The following PSPC1 variants were observed in gnomAD, a reference collection of about 807,000 sequenced individuals.
PSPC1 encodes the protein paraspeckle protein 1.
Under a neutral mutation model 51.6 loss-of-function variants are expected in PSPC1, and 14 were observed. That is an observed-to-expected ratio of 0.27 (90% confidence interval 0.18 to 0.42). The LOEUF is 0.42. Ranked by LOEUF, PSPC1 falls within the 10% of genes least tolerant of loss-of-function variation. The pLI is 1.00. For synonymous variants in PSPC1, 193 were observed against 231.9 expected (o/e 0.83, Z 1.53); for missense variants, 406 against 701.1 (o/e 0.58, Z 4.75).
chr13:19,778,497 T>C (rs1330350611), intron 1 of PSPC1, among the ~76,000 whole-genome samples: 1 of 141,784 alleles, frequency 7.1e-6, no homozygotes, highest in Non-Finnish European at 1.5e-5. Context: ...TTCTCCTGCC[T>C]CAGTCTGCCG....
downstream of PSPC1, among the ~76,000 whole-genome samples, chr13:19,698,433 C>A (rs549374592): frequency 6.6e-6 from 1 of 151,776 alleles, no homozygotes; most frequent in South Asian, 2.1e-4. Context: ...CAATGTAGGA[C>A]CTCGTATTTA....
chr13:19,677,092 G>A (rs1876729703), intron 7 of PSPC1, among the ~76,000 whole-genome samples: 1 of 152,034 alleles, frequency 6.6e-6, no homozygotes, highest in Non-Finnish European at 1.5e-5. Context: ...AATTAGCCGG[G>A]CATGGTGGCA....
At chr13:19,699,231 G>A (rs1276602997), downstream of PSPC1, 2 of 151,622 alleles carry the variant, frequency 1.3e-5, no homozygotes, top group Non-Finnish European at 3.0e-5. Context: ...TAGAGACGAG[G>A]TCTCACTACA....
chr13:19,707,671 T>A (rs888946284), intron 7 of PSPC1, among the ~76,000 whole-genome samples: 1 of 152,188 alleles, frequency 6.6e-6, no homozygotes, highest in East Asian at 1.9e-4. Context: ...TTTTAAGTTA[T>A]CTTCAATTCC....
chr13:19,774,687 C>G lies in PSPC1; in HGVS notation c.373-2144G>C, dbSNP rs539654766. Reference sequence around the variant, plus strand: ...GGGCATGGTGGTAAGCGCCTGTAGTCCCAGCTACTTGGGGGACTGAGGTGG... The same window carrying G: ...GGGCATGGTGGTAAGCGCCTGTAGTGCCAGCTACTTGGGGGACTGAGGTGG... On this transcript the variant is annotated intron_variant, in intron 1 of 8. Coordinates refer to ENST00000338910, the MANE Select transcript of PSPC1 (RefSeq NM_001354909.2). Among the ~76,000 whole-genome samples the G allele has an allele frequency of 2.0e-5, 3 of 151,884 alleles. No individual in the cohort carries two copies. In the South Asian group the frequency reaches 6.2e-4, roughly 32 times the overall value.
chr13:19,750,358 G>C (rs1886407278), intron 4 of PSPC1, among the ~76,000 whole-genome samples: 1 of 151,898 alleles, frequency 6.6e-6, no homozygotes, highest in African/African-American at 2.4e-5. Context: ...CTTGAACCCA[G>C]GTGGTGGAGG....
chr13:19,732,486 C>T (rs950099526), intron 5 of PSPC1, among the ~76,000 whole-genome samples: 2 of 152,186 alleles, frequency 1.3e-5, no homozygotes, highest in East Asian at 1.9e-4. Context: ...TCTGGGGCAG[C>T]ACCCCATAAT....
At chr13:19,760,900 A>C (rs149192399) in intron 2 of PSPC1, among the ~76,000 whole-genome samples, 1,643 of 152,148 alleles carry the variant, frequency 0.011, 28 homozygotes, top group African/African-American at 0.038. Context: ...AGGCAGGAGA[A>C]TCGCTTGAAT....
intron 4 of PSPC1, among the ~76,000 whole-genome samples, chr13:19,742,638 T>C (rs983603726): frequency 2.0e-5 from 3 of 151,950 alleles, no homozygotes; most frequent in African/African-American, 4.8e-5. Context: ...ACTCGGGAGA[T>C]TGAGACAGGA....
intron 7 of PSPC1, chr13:19,675,816 A>G (rs1240146956): frequency 1.3e-5 from 2 of 152,224 alleles, no homozygotes; most frequent in Non-Finnish European, 2.9e-5. Context: ...TGATGGAGGA[A>G]ACTGTCATGG....
At chr13:19,696,487 TCACACACACACGCACACACA>T (rs1565967687) in intron 6 of PSPC1, among the ~76,000 whole-genome samples, 1 of 144,824 alleles carries the variant, frequency 6.9e-6, no homozygotes, top group South Asian at 2.1e-4. Context: ...TAGGCCTTTA[TCACACACACACGCACACACA>T]CACACACATA....
chr13:19,687,100 C>A (rs10047758), intron 6 of PSPC1, among the ~76,000 whole-genome samples: 14,447 of 152,188 alleles, frequency 0.095, 1,019 homozygotes, highest in Non-Finnish European at 0.14. Context: ...ACTCAGGAAA[C>A]TGAGACAGGA....
intron 6 of PSPC1, among the ~76,000 whole-genome samples, chr13:19,690,262 A>C (rs902672866): frequency 1.3e-5 from 2 of 152,232 alleles, no homozygotes; most frequent in Admixed American, 6.5e-5. Flanking sequence ...GGAAGAATTA[A>C]CTGGACCATC....
At chr13:19,725,424 G>A (rs9550585) in intron 6 of PSPC1, among the ~76,000 whole-genome samples, 16,444 of 152,132 alleles carry the variant, frequency 0.11, 1,014 homozygotes, top group Middle Eastern at 0.14. Flanking sequence ...CAAGCTCTAC[G>A]AGTTTGGTAA....
intron 3 of PSPC1, 28 bp downstream of exon 3, chr13:19,759,295 C>T (rs1331346800): frequency 3.3e-6 from 5 of 1,533,378 alleles, no homozygotes; most frequent in Non-Finnish European, 4.5e-6. Flanking sequence ...ATAGTACAGA[C>T]ACAAATTATC....
chr13:19,685,793 T>G (rs1273895675), intron 6 of PSPC1, among the ~76,000 whole-genome samples: 2 of 152,164 alleles, frequency 1.3e-5, no homozygotes, highest in African/African-American at 4.8e-5. Context: ...CAAAAAAAAC[T>G]TACAATGACC....
At chr13:19,711,992 T>C (rs916580168) in intron 6 of PSPC1, among the ~76,000 whole-genome samples, 1 of 152,206 alleles carries the variant, frequency 6.6e-6, no homozygotes, top group Non-Finnish European at 1.5e-5. Flanking sequence ...TAGAAACTAC[T>C]GATAGGTTCT....
chr13:19,751,547 T>C (rs1886554946), intron 3 of PSPC1, 80 bp from the exon 4 acceptor site: 1 of 989,904 alleles, frequency 1.0e-6, no homozygotes, highest in Non-Finnish European at 1.4e-6. Context: ...GCACTTACAA[T>C]GTCCAAGACA....
chr13:19,671,298 CCTTT>C (rs770024607), downstream of PSPC1: 35 of 1,602,964 alleles, frequency 2.2e-5, no homozygotes, highest in African/African-American at 5.4e-5. Context: ...AGGTGACAGT[CCTTT>C]CTTCACATTT....
Sources: allele counts gnomAD v4.1 joint callset (sites outside exome capture counted in the v4.1 genomes callset), GRCh38; gene constraint gnomAD v4.1.1; transcripts MANE v1.5; gene names NCBI Gene and HGNC (gene_info 2026-07-23, HGNC 2026-07-21).